The following PRKCB variants were observed in gnomAD, a reference collection of about 807,000 sequenced individuals.
The protein encoded by PRKCB is protein kinase C beta, also known as protein kinase C beta type.
A neutral mutation model predicts 81.5 loss-of-function variants in PRKCB; 13 were observed. The observed-to-expected ratio is 0.16, with a 90% confidence interval of 0.10 to 0.25. The LOEUF is 0.25. PRKCB is among the 10% of genes least tolerant of loss of function. PRKCB has a pLI of 1.00. For missense variants in PRKCB, 509 were observed against 875.7 expected, an observed-to-expected ratio of 0.58 and a Z score of 5.29; for synonymous variants, 335 against 321.4, an observed-to-expected ratio of 1.04 and a Z score of -0.45.
chr16:24,126,299 C>T (rs1034085409), intron 9 of PRKCB, among the ~76,000 whole-genome samples: 1 of 152,280 alleles, frequency 6.6e-6, no homozygotes, highest in Admixed American at 6.5e-5. Context: ...ATTGAGATTT[C>T]AAACATGGAG....
chr16:23,836,929 G>A (rs1217405688), intron 1 of PRKCB, among the ~76,000 whole-genome samples: 4 of 151,628 alleles, frequency 2.6e-5, no homozygotes, highest in Non-Finnish European at 5.9e-5. Context: ...ATCACTGCGG[G>A]CCCCTTTCTT....
chr16:24,179,702 C>T (rs1293777670), intron 12 of PRKCB, among the ~76,000 whole-genome samples: 2 of 152,198 alleles, frequency 1.3e-5, no homozygotes, highest in Non-Finnish European at 2.9e-5. Context: ...GATGTCACCG[C>T]CTTAGACAGG....
At chr16:24,013,781 C>CAA (rs35383807) in intron 3 of PRKCB, among the ~76,000 whole-genome samples, 14,870 of 137,950 alleles carry the variant, frequency 0.11, 970 homozygotes, top group East Asian at 0.28. Flanking sequence ...TGTGGAATTG[C>CAA]AAAAAAAAAA....
intron 16 of PRKCB, among the ~76,000 whole-genome samples, chr16:24,203,692 A>G (rs903778936): frequency 6.6e-6 from 1 of 152,174 alleles, no homozygotes; most frequent in African/African-American, 2.4e-5. Context: ...CAGAAAGCTT[A>G]CTTTTTGTTT....
chr16:23,934,595 T>C (rs1964032055), intron 2 of PRKCB, among the ~76,000 whole-genome samples: 1 of 152,222 alleles, frequency 6.6e-6, no homozygotes, highest in Non-Finnish European at 1.5e-5. Context: ...CATTAATAAG[T>C]TCCATAAAAT....
At chr16:24,045,521 AC>A (rs1965753107) in intron 5 of PRKCB, among the ~76,000 whole-genome samples, 1 of 150,518 alleles carries the variant, frequency 6.6e-6, no homozygotes, top group African/African-American at 2.4e-5. Flanking sequence ...TCCCAGGCCC[AC>A]CCCACCTCCA....
intron 16 of PRKCB, among the ~76,000 whole-genome samples, chr16:24,205,612 G>A (rs1304786447): frequency 1.3e-5 from 2 of 152,144 alleles, no homozygotes; most frequent in African/African-American, 2.4e-5. Flanking sequence ...TAGAGCTTTT[G>A]GGGGGATTAA....
At chr16:23,912,666 C>T (rs543639915) in intron 2 of PRKCB, among the ~76,000 whole-genome samples, 203 of 150,850 alleles carry the variant, frequency 1.3e-3, no homozygotes, top group Middle Eastern at 3.5e-3. Flanking sequence ...ACGTGTGCCA[C>T]CTCACCCGGC....
rs779838345 is a variant in PRKCB at position 24,035,490 on chromosome 16, C to A, written c.472C>A (p.Arg158Ser). Residue 158 changes from arginine to serine, a missense_variant, in exon 5 of 17, where the codon CGC becomes AGC. By Grantham distance (110) the Arg-to-Ser change is moderately radical. Coordinates refer to ENST00000643927, the MANE Select transcript of PRKCB (RefSeq NM_002738.7). ...PSLCGTDHTE[R>S]RGRIYIQAHI... ...CCTGTGTGGCACGGACCACACGGAG[C>A]GCCGCGGCCGCATCTACATCCAGGC... is the stretch of plus-strand genomic sequence containing the variant. The A allele has an allele frequency of 6.2e-7, 1 of 1,614,170 alleles. No homozygotes were observed. Among genetic ancestry groups the A allele is most frequent in the South Asian group, 1.1e-5 (1 of 91,086 alleles).
chr16:23,939,086 AG>A (rs1266206379), intron 2 of PRKCB, among the ~76,000 whole-genome samples: 3 of 152,234 alleles, frequency 2.0e-5, no homozygotes, highest in African/African-American at 7.2e-5. Flanking sequence ...TCTATAAACT[AG>A]CAATGAATAC....
intron 9 of PRKCB, among the ~76,000 whole-genome samples, chr16:24,147,257 G>T (rs572164551): frequency 7.4e-5 from 11 of 148,330 alleles, no homozygotes; most frequent in Non-Finnish European, 1.5e-4. Flanking sequence ...GCAGTGAGCC[G>T]AGATCGCACC....
chr16:23,918,159 A>G (rs566195182), intron 2 of PRKCB, among the ~76,000 whole-genome samples: 1 of 152,136 alleles, frequency 6.6e-6, no homozygotes, highest in South Asian at 2.1e-4. Context: ...ATGTTTTGAC[A>G]CTTGGAGGGA....
chr16:24,026,435 G>T (rs1965481349), intron 3 of PRKCB, among the ~76,000 whole-genome samples: 1 of 152,214 alleles, frequency 6.6e-6, no homozygotes, highest in Non-Finnish European at 1.5e-5. Flanking sequence ...GGTCAGAAAT[G>T]CTTGAATCCT....
chr16:24,145,262 C>T (rs1350426732), intron 9 of PRKCB, among the ~76,000 whole-genome samples: 1 of 152,106 alleles, frequency 6.6e-6, no homozygotes, highest in Non-Finnish European at 1.5e-5. Flanking sequence ...ACTTAAGTTT[C>T]TAAAGCATCG....
intron 12 of PRKCB, among the ~76,000 whole-genome samples, chr16:24,176,802 G>C (rs198135): frequency 0.076 from 11,461 of 151,776 alleles, 421 homozygotes; most frequent in Middle Eastern, 0.088. Context: ...GCTGAGGCAG[G>C]AGAATTGCTT....
chr16:24,112,353 C>T (rs1345173669), intron 7 of PRKCB, among the ~76,000 whole-genome samples: 2 of 152,172 alleles, frequency 1.3e-5, no homozygotes, highest in Admixed American at 1.3e-4. Context: ...ACATAGCCAA[C>T]TCCCATCTCT....
At chr16:24,011,690 A>AT (rs1052572761) in intron 3 of PRKCB, among the ~76,000 whole-genome samples, 5 of 151,860 alleles carry the variant, frequency 3.3e-5, no homozygotes, top group Admixed American at 1.3e-4. Flanking sequence ...CTAATTTTAA[A>AT]TTTTTTTGTA....
At chr16:24,034,430 A>G (rs1181163149) in intron 4 of PRKCB, among the ~76,000 whole-genome samples, 1 of 152,184 alleles carries the variant, frequency 6.6e-6, no homozygotes, top group Non-Finnish European at 1.5e-5. Context: ...TGCCTGGCAC[A>G]CCTTCCTGGA....
intron 2 of PRKCB, among the ~76,000 whole-genome samples, chr16:23,892,058 C>A (rs925009738): frequency 2.0e-5 from 3 of 152,176 alleles, no homozygotes; most frequent in African/African-American, 7.2e-5. Flanking sequence ...ACGGCTGGAT[C>A]CCACATCTCT....
Sources: allele counts gnomAD v4.1 joint callset (sites outside exome capture counted in the v4.1 genomes callset), GRCh38; gene constraint gnomAD v4.1.1; transcripts MANE v1.5; gene names NCBI Gene and HGNC (gene_info 2026-07-23, HGNC 2026-07-21).